ANKRD50: variants seen among roughly 807,000 people sequenced by gnomAD.
ANKRD50 encodes ankyrin repeat domain 50.
ANKRD50 carries 40 observed loss-of-function variants against 112.0 expected under a neutral mutation model. That is an observed-to-expected ratio of 0.36 (90% CI 0.28 to 0.46). The LOEUF is 0.46. Ranked by LOEUF, ANKRD50 falls within the 20% of genes least tolerant of loss-of-function variation. The pLI, the probability that ANKRD50 is intolerant of heterozygous loss-of-function variation, is 1.00. For synonymous variants in ANKRD50, 613 were observed against 619.1 expected (o/e 0.99, Z 0.15); for missense variants, 1,487 against 1,701.7 (o/e 0.87, Z 2.22).
chr4:124,678,642 G>C (rs760946524), intron 3 of ANKRD50, 34 bp downstream of exon 3: 1 of 1,570,782 alleles, frequency 6.4e-7, no homozygotes, highest in Non-Finnish European at 8.7e-7. Context: ...TTAATGAAAA[G>C]CATTTAAGGA....
chr4:124,693,011 T>A (rs1001481681), intron 2 of ANKRD50, among the ~76,000 whole-genome samples: 2 of 152,146 alleles, frequency 1.3e-5, no homozygotes, highest in Non-Finnish European at 2.9e-5. Context: ...GTAAGCAGCT[T>A]GCTAAGTGAG....
At chr4:124,711,768 A>AG in intron 1 of ANKRD50, among the ~76,000 whole-genome samples, 1 of 152,118 alleles carries the variant, frequency 6.6e-6, no homozygotes, top group Non-Finnish European at 1.5e-5. Context: ...TTTAAAAAAA[A>AG]AAAACAAAAA....
At chr4:124,700,425 G>C (rs2110525356) in intron 2 of ANKRD50, among the ~76,000 whole-genome samples, 1 of 152,270 alleles carries the variant, frequency 6.6e-6, no homozygotes, top group East Asian at 1.9e-4. Flanking sequence ...ATAACAACAA[G>C]AAGAGCAGTT....
intron 2 of ANKRD50, among the ~76,000 whole-genome samples, chr4:124,690,478 G>A (rs1307896480): frequency 1.3e-5 from 2 of 152,098 alleles, no homozygotes; most frequent in Admixed American, 6.5e-5. Context: ...TTTCATGTAA[G>A]AGCATTTCCC....
At chr4:124,705,853 A>C (rs993977020) in intron 2 of ANKRD50, among the ~76,000 whole-genome samples, 1 of 152,226 alleles carries the variant, frequency 6.6e-6, no homozygotes, top group African/African-American at 2.4e-5. Context: ...GAATTAAAGA[A>C]ATCAGCCTTT....
intron 2 of ANKRD50, among the ~76,000 whole-genome samples, chr4:124,686,626 G>C (rs1725013374): frequency 6.6e-6 from 1 of 152,140 alleles, no homozygotes; most frequent in Admixed American, 6.5e-5. Context: ...ACAGCAACGG[G>C]ATGGGCAGGA....
chr4:124,689,046 A>G (rs1725071854), intron 2 of ANKRD50, among the ~76,000 whole-genome samples: 1 of 152,084 alleles, frequency 6.6e-6, no homozygotes, highest in African/African-American at 2.4e-5. Context: ...CTATGTATAC[A>G]CTCCTATAAC....
intron 2 of ANKRD50, among the ~76,000 whole-genome samples, chr4:124,693,805 A>C (rs566446363): frequency 2.0e-5 from 3 of 152,312 alleles, no homozygotes; most frequent in Admixed American, 2.0e-4. Flanking sequence ...CGTTTTGATG[A>C]TAATTTCAAT....
At position 124,670,831 on chromosome 4, in the gene ANKRD50, T is replaced by C; in HGVS notation, c.2446A>G (p.Thr816Ala). The C allele has an allele frequency of 6.2e-7, 1 of 1,613,870 alleles. No individual in the cohort carries two copies. The highest frequency in any genetic ancestry group is 8.5e-7 in the Non-Finnish European group (1 of 1,179,894). The change falls in exon 4 of 5, where the codon ACA (threonine) becomes GCA (alanine). Residue 816 changes from threonine (T) to alanine (A), a missense_variant. Physicochemically the swap from Thr to Ala is moderately conservative, Grantham distance 58. Coordinates refer to ENST00000504087, the MANE Select transcript of ANKRD50 (RefSeq NM_020337.3). ...AVDSIDSEGRTVLSIASAQGN... is the reference protein window; with the variant it reads ...AVDSIDSEGRAVLSIASAQGN... ...TGTGCTGAAGCTATACTGAGGACTGTCCTACCTTCACTATCAATACTATCC... is the reference window on the plus strand; with the variant it reads ...TGTGCTGAAGCTATACTGAGGACTGCCCTACCTTCACTATCAATACTATCC...
rs1235793806 is a variant in ANKRD50 at position 124,680,672 on chromosome 4, GAAT to G, written c.513-1770_513-1768del. 2.6e-5 allele frequency among the ~76,000 whole-genome samples: 4 copies of G among 152,230 alleles called. No homozygotes were observed. In the East Asian group the frequency reaches 5.8e-4, roughly 22 times the overall value. ...AATATATAGAGAACACAATATACTA[GAAT>G]AATGTACATAATAAGTACCACTTCA... On this transcript the variant is annotated intron_variant, in intron 2 of 4. Transcript: ENST00000504087.
intron 2 of ANKRD50, among the ~76,000 whole-genome samples, chr4:124,687,731 A>G (rs1380850816): frequency 1.3e-5 from 2 of 152,198 alleles, no homozygotes; most frequent in Non-Finnish European, 2.9e-5. Flanking sequence ...AGAGAGGAAG[A>G]GAGAAGGGCA....
chr4:124,690,463 T>C (rs569378000), intron 2 of ANKRD50, among the ~76,000 whole-genome samples: 5 of 152,332 alleles, frequency 3.3e-5, no homozygotes, highest in African/African-American at 1.2e-4. Flanking sequence ...TTGTAACAGA[T>C]TTATTTTCAT....
rs573605797 is a variant in ANKRD50, at chr4:124,665,714, T to A, written c.*1804A>T. 6.6e-6 allele frequency: 1 copy of A among 152,536 alleles called. No individual in the cohort carries two copies. The highest frequency in any genetic ancestry group is 6.6e-5 in the Admixed American group (1 of 15,230). The allele number at this position is 152,536 out of a possible 1,614,324, so 9.4% of individuals were successfully genotyped here. On this transcript the variant is annotated 3_prime_UTR_variant, in exon 5 of 5. Coordinates refer to ENST00000504087, the MANE Select transcript of ANKRD50 (RefSeq NM_020337.3). Reference sequence around the variant, plus strand: ...GACAAGAATTCAATACTTGAAACATTCACATTTGAGTTATTAATATTGCCA... The same window carrying A: ...GACAAGAATTCAATACTTGAAACATACACATTTGAGTTATTAATATTGCCA...
intron 3 of ANKRD50, among the ~76,000 whole-genome samples, chr4:124,673,784 A>C (rs1730712867): frequency 6.6e-6 from 1 of 152,116 alleles, no homozygotes; most frequent in East Asian, 1.9e-4. Flanking sequence ...GTTATTGAAA[A>C]ATTAAAAACA....
rs201273871 is a variant in ANKRD50 at position 124,670,041 on chromosome 4, C to T, written c.3236G>A (p.Arg1079His). 2.5e-6 allele frequency: 4 copies of T among 1,611,160 alleles called. No homozygotes were observed. Among genetic ancestry groups the T allele is most frequent in the Non-Finnish European group, 3.4e-6 (4 of 1,179,288 alleles). Residue 1079 changes from arginine (R) to histidine (H), a missense_variant, in exon 4 of 5, where the codon CGC becomes CAC. Transcript: ENST00000504087. ...ADPNHADQFGRTAMRVAAKNG... is the reference protein window; with the variant it reads ...ADPNHADQFGHTAMRVAAKNG... ...TTTGGCTGCAACACGCATAGCAGTG[C>T]GTCCAAATTGATCAGCATGGTTTGG...
chr4:124,711,867 C>T (rs1247194690), intron 1 of ANKRD50, among the ~76,000 whole-genome samples: 1 of 152,000 alleles, frequency 6.6e-6, no homozygotes, highest in African/African-American at 2.4e-5. Context: ...GGATGGAGGT[C>T]AGGGATAAAA....
At chr4:124,709,211 G>T (rs1725572103) in intron 2 of ANKRD50, among the ~76,000 whole-genome samples, 1 of 151,472 alleles carries the variant, frequency 6.6e-6, no homozygotes, top group Admixed American at 6.6e-5. Context: ...CTAACAATTT[G>T]CCTGCTACTT....
chr4:124,670,703 C>A lies in ANKRD50; in HGVS notation c.2574G>T (p.Gly858=). 3 of 1,613,302 alleles carry A rather than the reference C, an allele frequency of 1.9e-6. No individual in the cohort carries two copies. In the Admixed American group the frequency reaches 5.0e-5, roughly 27 times the overall value. The change falls in exon 4 of 5, where the codon GGG becomes GGT. Residue 858 remains glycine, a synonymous_variant. Coordinates refer to ENST00000504087, the MANE Select transcript of ANKRD50 (RefSeq NM_020337.3). ...WTPLHMAAFE[G]HRLICEALIE... is the part of the protein sequence containing the mutation. Reference sequence around the variant, plus strand: ...TAAGTGCTTCACATATCAATCTGTGCCCTTCAAAAGCTGCCATGTGCAAAG... The same window carrying A: ...TAAGTGCTTCACATATCAATCTGTGACCTTCAAAAGCTGCCATGTGCAAAG...
intron 2 of ANKRD50, among the ~76,000 whole-genome samples, chr4:124,702,541 T>C (rs1725414684): frequency 6.6e-6 from 1 of 152,156 alleles, no homozygotes; most frequent in Non-Finnish European, 1.5e-5. Context: ...TCTGCATTTC[T>C]AACAAGCTCC....
Sources: gnomAD v4.1 joint callset for allele counts (sites outside exome capture counted in the v4.1 genomes callset) on GRCh38, gnomAD v4.1.1 for gene constraint, MANE v1.5 for transcripts, NCBI Gene and HGNC (gene_info 2026-07-23, HGNC 2026-07-21) for gene names.